Variants in EDAR observed in about 807,000 individuals in gnomAD.
EDAR encodes ectodysplasin A receptor, also known as tumor necrosis factor receptor superfamily member EDAR.
Under a neutral mutation model 51.3 loss-of-function variants are expected in EDAR, and 38 were observed. The observed-to-expected ratio is 0.74, with a 90% CI of 0.57 to 0.97. The LOEUF is 0.97. Among genes scored for constraint, EDAR ranks in the 50% least tolerant of loss-of-function variants. EDAR has a pLI of 0.00. For synonymous variants in EDAR, 227 were observed against 242.1 expected (o/e 0.94, Z 0.58); for missense variants, 528 against 595.0 (o/e 0.89, Z 1.17).
chr2:108,938,481 A>C (rs998620136), intron 1 of EDAR, among the ~76,000 whole-genome samples: 2 of 152,206 alleles, frequency 1.3e-5, no homozygotes, highest in African/African-American at 4.8e-5. Flanking sequence ...CTCTTGGAGG[A>C]TTGCTCACGA....
chr2:108,956,110 T>C (rs1697921270), intron 1 of EDAR, among the ~76,000 whole-genome samples: 1 of 152,202 alleles, frequency 6.6e-6, no homozygotes, highest in African/African-American at 2.4e-5. Context: ...TTCCCTATTG[T>C]CTTAATTATT....
intron 1 of EDAR, among the ~76,000 whole-genome samples, chr2:108,958,735 A>T (rs75813103): frequency 0.012 from 1,795 of 152,256 alleles, 29 homozygotes; most frequent in African/African-American, 0.04. Context: ...GGCCCAGGAG[A>T]CCTAAAGCTC....
chr2:108,903,308 A>G (rs188180378), intron 11 of EDAR, among the ~76,000 whole-genome samples: 38 of 152,342 alleles, frequency 2.5e-4, no homozygotes, highest in Admixed American at 1.2e-3. Flanking sequence ...AAAGATGTCA[A>G]ATCTTCCCAG....
chr2:108,957,474 G>A (rs570753950), intron 1 of EDAR, among the ~76,000 whole-genome samples: 3 of 152,314 alleles, frequency 2.0e-5, no homozygotes, highest in Non-Finnish European at 2.9e-5. Flanking sequence ...AAGTGGCCCC[G>A]GGCTCATGGA....
intron 5 of EDAR, among the ~76,000 whole-genome samples, chr2:108,915,628 G>A (rs553074325): frequency 4.6e-5 from 7 of 152,074 alleles, no homozygotes; most frequent in South Asian, 2.1e-4. Flanking sequence ...GCCCAGGCAC[G>A]GTGGCTCATG....
At chr2:108,914,471 C>G (rs1255781744) in intron 5 of EDAR, among the ~76,000 whole-genome samples, 2 of 152,066 alleles carry the variant, frequency 1.3e-5, no homozygotes, top group African/African-American at 4.8e-5. Context: ...AGCTATGCTT[C>G]CCACAACTCC....
At chr2:108,907,669 C>A (rs1696837282) in intron 10 of EDAR, among the ~76,000 whole-genome samples, 191 bp downstream of exon 10, 1 of 151,622 alleles carries the variant, frequency 6.6e-6, no homozygotes, top group Admixed American at 6.6e-5. Flanking sequence ...AAACAAAACT[C>A]AAAAACGAAA....
chr2:108,956,126 C>T lies in EDAR; in HGVS notation c.-18-25094G>A, dbSNP rs553470036. ...TCCCTATTGTCTTAATTATTCTTAA[C>T]AACAGCCTTTTTAATGGATTGAAAG... On this transcript the variant is annotated intron_variant, in intron 1 of 11. Transcript: ENST00000258443. Among the ~76,000 whole-genome samples, 6 of 152,320 alleles carry T rather than the reference C, an allele frequency of 3.9e-5. No homozygotes were observed. In the East Asian group the frequency reaches 9.6e-4, roughly 24 times the overall value.
chr2:108,948,410 CT>C (rs1355152512), intron 1 of EDAR, among the ~76,000 whole-genome samples: 52 of 152,298 alleles, frequency 3.4e-4, no homozygotes, highest in African/African-American at 1.2e-3. Flanking sequence ...TTCAGGTTGT[CT>C]TTATAGCAGT....
intron 11 of EDAR, 57 bp downstream of exon 11, chr2:108,906,251 A>G: frequency 6.3e-7 from 1 of 1,592,120 alleles, no homozygotes; most frequent in Non-Finnish European, 8.6e-7. Context: ...CTCCGGGCCC[A>G]GCCCTTCATG....
At chr2:108,966,558 C>A (rs1698154440) in intron 1 of EDAR, among the ~76,000 whole-genome samples, 1 of 152,242 alleles carries the variant, frequency 6.6e-6, no homozygotes, top group Non-Finnish European at 1.5e-5. Flanking sequence ...AGGAAGAGGT[C>A]ATCTTCTGTC....
chr2:108,935,970 T>G (rs1027501972), intron 1 of EDAR, among the ~76,000 whole-genome samples: 3 of 152,214 alleles, frequency 2.0e-5, no homozygotes, highest in African/African-American at 7.2e-5. Context: ...ATACTTGTCA[T>G]CACGGCTGCC....
intron 1 of EDAR, among the ~76,000 whole-genome samples, chr2:108,952,933 T>C (rs1328623494): frequency 6.6e-6 from 1 of 152,380 alleles, no homozygotes; most frequent in Non-Finnish European, 1.5e-5. Context: ...TTTCTGCTTT[T>C]AGTTCCAAGG....
intron 3 of EDAR, among the ~76,000 whole-genome samples, chr2:108,929,892 A>C (rs1697331825): frequency 6.6e-6 from 1 of 152,210 alleles, no homozygotes; most frequent in Admixed American, 6.5e-5. Flanking sequence ...TCCTTTAAAA[A>C]CATTTCAGAA....
chr2:108,965,426 C>T (rs1354600293), intron 1 of EDAR, among the ~76,000 whole-genome samples: 1 of 147,980 alleles, frequency 6.8e-6, no homozygotes, highest in Non-Finnish European at 1.5e-5. Context: ...GGTCACGCCA[C>T]TGCACTCCAA....
intron 11 of EDAR, among the ~76,000 whole-genome samples, chr2:108,900,469 A>ACTT (rs1346407156): frequency 6.6e-6 from 1 of 151,442 alleles, no homozygotes; most frequent in African/African-American, 2.4e-5. Context: ...CAGGAGAACC[A>ACTT]CTTGAACCTG....
At chr2:108,935,591 C>A (rs1329451522) in intron 1 of EDAR, among the ~76,000 whole-genome samples, 1 of 152,182 alleles carries the variant, frequency 6.6e-6, no homozygotes, top group Non-Finnish European at 1.5e-5. Context: ...GGGTCTCTCC[C>A]TCTTTAAGTT....
chr2:108,943,634 A>G (rs1186956128), intron 1 of EDAR, among the ~76,000 whole-genome samples: 1 of 152,212 alleles, frequency 6.6e-6, no homozygotes. Context: ...CAGAATGTCC[A>G]GAGCGAAGAC....
intron 4 of EDAR, among the ~76,000 whole-genome samples, chr2:108,928,532 CTT>C (rs1469666010): frequency 6.6e-6 from 1 of 152,172 alleles, no homozygotes; most frequent in Non-Finnish European, 1.5e-5. Flanking sequence ...ACCACCACTG[CTT>C]TTATCTTTAG....
Sources: allele counts gnomAD v4.1 joint callset (sites outside exome capture counted in the v4.1 genomes callset), GRCh38; gene constraint gnomAD v4.1.1; transcripts MANE v1.5; gene names NCBI Gene and HGNC (gene_info 2026-07-23, HGNC 2026-07-21).